The following WWOX variants were observed in gnomAD, a reference collection of about 807,000 sequenced individuals.
WWOX encodes WW domain containing oxidoreductase.
In WWOX, 69 loss-of-function variants were observed where a neutral mutation model predicts 46.2. That is an observed-to-expected ratio of 1.49 (90% confidence interval 1.23 to 1.82). WWOX has a LOEUF of 1.82. Ranked by LOEUF, WWOX falls within the 40% of genes most tolerant of loss-of-function variation. The pLI is 0.00. For synonymous variants in WWOX, 359 were observed against 202.6 expected (o/e 1.77, Z -6.56); for missense variants, 919 against 542.6 (o/e 1.69, Z -6.89).
intron 8 of WWOX, chr16:78,534,276 C>G (rs1442974326): frequency 6.6e-6 from 1 of 152,152 alleles, no homozygotes; most frequent in South Asian, 2.1e-4. Flanking sequence ...ATATATCATC[C>G]AGTCAGAGTG....
At chr16:78,914,880 GA>G (rs10706775) in intron 8 of WWOX, among the ~76,000 whole-genome samples, 30,408 of 69,128 alleles carry the variant, frequency 0.44, 4,692 homozygotes, top group African/African-American at 0.53. Flanking sequence ...CTCCGCCTCA[GA>G]AAAAAAAAAA....
At chr16:78,965,745 A>C (rs1460863183) in intron 8 of WWOX, among the ~76,000 whole-genome samples, 1 of 152,160 alleles carries the variant, frequency 6.6e-6, no homozygotes, top group Non-Finnish European at 1.5e-5. Flanking sequence ...CCATTTAAGC[A>C]GCAACCTCTG....
Position 78,679,406 on chromosome 16 carries a change from C to T in WWOX, c.1056+246654C>T, listed in dbSNP as rs145621098. On this transcript the variant is annotated intron_variant, in intron 8 of 8. Transcript: ENST00000566780. ...TCTCTGCTAAAAATACAAAAATTAG[C>T]CAGGCATGGTGGTGTGGGCCTGTAA... Among the ~76,000 whole-genome samples the T allele has an allele frequency of 1.1e-4, 17 of 152,136 alleles. No homozygotes were observed. In the East Asian group the frequency reaches 3.3e-3, roughly 30 times the overall value.
chr16:78,576,195 C>T (rs1034983587), intron 8 of WWOX, among the ~76,000 whole-genome samples: 7 of 152,184 alleles, frequency 4.6e-5, no homozygotes, highest in Non-Finnish European at 1.0e-4. Context: ...AAGAAGTAAT[C>T]ACCATAATCT....
At chr16:78,108,238 T>G (rs1204237083) in intron 1 of WWOX, among the ~76,000 whole-genome samples, 185 bp from the exon 2 acceptor site, 1 of 150,808 alleles carries the variant, frequency 6.6e-6, no homozygotes, top group Non-Finnish European at 1.5e-5. Context: ...CTCTAGATAT[T>G]TTGAGTGATT....
intron 6 of WWOX, among the ~76,000 whole-genome samples, chr16:78,408,099 G>C (rs141311418): frequency 6.6e-6 from 1 of 152,222 alleles, no homozygotes; most frequent in Admixed American, 6.5e-5. Flanking sequence ...GGTCCCTGTT[G>C]AAACCCCACT....
At chr16:78,772,494 G>A (rs1274563023) in intron 8 of WWOX, among the ~76,000 whole-genome samples, 1 of 152,220 alleles carries the variant, frequency 6.6e-6, no homozygotes, top group African/African-American at 2.4e-5. Flanking sequence ...TCTTGGAAAT[G>A]TTAATCTTGA....
intron 8 of WWOX, among the ~76,000 whole-genome samples, chr16:79,093,900 C>G (rs956717600): frequency 6.6e-6 from 1 of 152,206 alleles, no homozygotes; most frequent in Non-Finnish European, 1.5e-5. Flanking sequence ...TGGCCACTTT[C>G]TCGCTCTCTC....
Position 78,995,079 on chromosome 16 carries a change from C to T in WWOX, c.1057-216529C>T, listed in dbSNP as rs151247904. 1.7e-4 allele frequency among the ~76,000 whole-genome samples: 25 copies of T among 150,706 alleles called. 1 individual carries two copies. In the East Asian group the frequency reaches 2.9e-3, roughly 18 times the overall value. On this transcript the variant is annotated intron_variant, in intron 8 of 8. Coordinates refer to ENST00000566780, the MANE Select transcript of WWOX (RefSeq NM_016373.4). ...CCCTGGTAAAAAGTCTGGAGGATGC[C>T]GAGGAGTTCACTGTGCCCTTAGATA...
Position 78,934,206 on chromosome 16 carries a change from C to G in WWOX, c.1057-277402C>G, listed in dbSNP as rs367749034. Among the ~76,000 whole-genome samples the G allele has an allele frequency of 5.3e-4, 80 of 151,750 alleles. 1 individual carries two copies. Among genetic ancestry groups the G allele is most frequent in the African/African-American group, 1.7e-3 (71 of 41,350 alleles). On this transcript the variant is annotated intron_variant, in intron 8 of 8. Transcript: ENST00000566780. ...AAAAGAAATTAGCCTGACATGGTGG[C>G]ACATCCCTGTAATCCCAGCTACTCG... is the stretch of plus-strand genomic sequence containing the variant.
intron 8 of WWOX, among the ~76,000 whole-genome samples, chr16:79,056,522 C>G (rs752923106): frequency 1.3e-5 from 2 of 152,176 alleles, no homozygotes; most frequent in Non-Finnish European, 2.9e-5. Context: ...GTTTCTCAAG[C>G]TTTGGCACTG....
At chr16:78,723,674 C>T (rs1054133414) in intron 8 of WWOX, among the ~76,000 whole-genome samples, 1 of 141,202 alleles carries the variant, frequency 7.1e-6, no homozygotes, top group African/African-American at 2.7e-5. Context: ...CTGAGAGCAT[C>T]CTGTAATGTT....
intron 8 of WWOX, among the ~76,000 whole-genome samples, chr16:79,176,008 G>C (rs1389868055): frequency 6.6e-6 from 1 of 152,140 alleles, no homozygotes; most frequent in Non-Finnish European, 1.5e-5. Flanking sequence ...AATGTTACCT[G>C]CTCTATGAAA....
intron 8 of WWOX, among the ~76,000 whole-genome samples, chr16:79,169,087 A>G (rs1378574734): frequency 2.0e-5 from 3 of 152,360 alleles, no homozygotes; most frequent in South Asian, 2.1e-4. Flanking sequence ...TTTTATAAAC[A>G]TGATCCCACT....
intron 8 of WWOX, among the ~76,000 whole-genome samples, chr16:78,762,815 T>G (rs767146221): frequency 6.6e-6 from 1 of 152,166 alleles, no homozygotes; most frequent in Non-Finnish European, 1.5e-5. Context: ...ATCTGTAATA[T>G]GGGGAATCAT....
At chr16:78,195,778 C>T (rs1555552170) in intron 5 of WWOX, among the ~76,000 whole-genome samples, 1 of 140,710 alleles carries the variant, frequency 7.1e-6, no homozygotes, top group Non-Finnish European at 1.5e-5. Flanking sequence ...GCTGAGATCG[C>T]ACCACTGCAC....
chr16:78,914,897 A>G (rs1434559657), intron 8 of WWOX, among the ~76,000 whole-genome samples: 2 of 151,224 alleles, frequency 1.3e-5, no homozygotes, highest in Non-Finnish European at 2.9e-5. Flanking sequence ...AAAAAAAAAA[A>G]AAAAAAGGAA....
rs149255668 is a variant in WWOX, at chr16:78,110,297, G to A, written c.230+462G>A. ...GGAAGTTGCAGTGAGCTGAGATCGC[G>A]CCACTGCACTCCAGCCTGGGTGACA... On this transcript the variant is annotated intron_variant, in intron 3 of 8. Transcript: ENST00000566780. Among the ~76,000 whole-genome samples, 1,240 of 137,092 alleles carry A rather than the reference G, an allele frequency of 9.0e-3. 24 individuals are homozygous for A. The highest frequency in any genetic ancestry group is 0.034 in the African/African-American group (1,183 of 35,246). The allele number at this position is 137,092 out of a possible 152,430, so 89.9% of individuals were successfully genotyped here.
chr16:78,530,022 C>T (rs1437797366), intron 8 of WWOX, among the ~76,000 whole-genome samples: 1 of 152,116 alleles, frequency 6.6e-6, no homozygotes, highest in Non-Finnish European at 1.5e-5. Flanking sequence ...GCTTTGGTGC[C>T]AGTAGAGGTG....
Sources: gnomAD v4.1 joint callset for allele counts (sites outside exome capture counted in the v4.1 genomes callset) on GRCh38, gnomAD v4.1.1 for gene constraint, MANE v1.5 for transcripts, NCBI Gene and HGNC (gene_info 2026-07-23, HGNC 2026-07-21) for gene names.